Variants in PRRX1 observed in about 807,000 individuals in gnomAD.
PRRX1 encodes the protein paired related homeobox 1.
Under a neutral mutation model 24.0 loss-of-function variants are expected in PRRX1, and 8 were observed. The ratio of observed to expected loss-of-function variants is 0.33; its 90% confidence interval spans 0.20 to 0.60. The LOEUF (loss-of-function observed/expected upper bound fraction) is 0.60. Among genes scored for constraint, PRRX1 ranks in the 20% least tolerant of loss-of-function variants. PRRX1 has a pLI of 0.82. For missense variants in PRRX1, 281 were observed against 322.4 expected (o/e 0.87, Z 0.98); for synonymous variants, 160 against 131.7 (o/e 1.22, Z -1.47).
chr1:170,724,235 G>T (rs1655179014), intron 2 of PRRX1, among the ~76,000 whole-genome samples: 1 of 152,044 alleles, frequency 6.6e-6, no homozygotes, highest in South Asian at 2.1e-4. Context: ...CCATTCTGTG[G>T]GTTGCCTGTT....
In PRRX1 at chr1:170,680,647, C is replaced by T. The variant is rs116011560; in HGVS notation, c.241+16188C>T. Among the ~76,000 whole-genome samples, 132 of 152,272 alleles carry T rather than the reference C, an allele frequency of 8.7e-4. 1 individual carries two copies. Among genetic ancestry groups the T allele is most frequent in the Middle Eastern group, 3.4e-3 (1 of 294 alleles). ...AATCTTGTTGTTGCATAATTAAGTA[C>T]GTCAGAAGTAATTCACCAAGTGTCA... On this transcript the variant is annotated intron_variant, in intron 1 of 3. Coordinates refer to ENST00000239461, the MANE Select transcript of PRRX1 (RefSeq NM_022716.4).
At chr1:170,700,481 TGAAAGAA>T (rs1396472394) in intron 1 of PRRX1, among the ~76,000 whole-genome samples, 2 of 152,116 alleles carry the variant, frequency 1.3e-5, no homozygotes, top group African/African-American at 2.4e-5. Flanking sequence ...TGTCATAGAT[TGAAAGAA>T]AGATGACCAG....
chr1:170,727,244 C>A (rs1655285904), intron 3 of PRRX1: 1 of 152,080 alleles, frequency 6.6e-6, no homozygotes, highest in Admixed American at 6.6e-5. Context: ...AGGCTTTTAA[C>A]CTCCCATTAT....
At chr1:170,696,452 A>G (rs1654172623) in intron 1 of PRRX1, among the ~76,000 whole-genome samples, 1 of 152,118 alleles carries the variant, frequency 6.6e-6, no homozygotes. Context: ...AGTCCAGAAG[A>G]GATGTGGTCA....
chr1:170,675,647 A>G (rs1653296420), intron 1 of PRRX1, among the ~76,000 whole-genome samples: 1 of 152,188 alleles, frequency 6.6e-6, no homozygotes, highest in African/African-American at 2.4e-5. Context: ...ATTTACCCAG[A>G]CATGAGCATC....
intron 1 of PRRX1, chr1:170,667,821 A>C (rs1242872712): frequency 1.3e-5 from 2 of 152,250 alleles, no homozygotes; most frequent in African/African-American, 4.8e-5. Context: ...CGTCCTTTCT[A>C]AATTTTCTCT....
intron 3 of PRRX1, among the ~76,000 whole-genome samples, chr1:170,732,295 A>G (rs570347651): frequency 6.6e-6 from 1 of 152,332 alleles, no homozygotes; most frequent in East Asian, 1.9e-4. Context: ...GCAGAACGTC[A>G]GAAGTCTCCG....
At chr1:170,694,543 G>A (rs1458255785) in intron 1 of PRRX1, among the ~76,000 whole-genome samples, 4 of 152,158 alleles carry the variant, frequency 2.6e-5, no homozygotes, top group Non-Finnish European at 5.9e-5. Flanking sequence ...AGTCACACGG[G>A]TTGAGAAGTA....
At chr1:170,671,016 T>G (rs138961268) in intron 1 of PRRX1, among the ~76,000 whole-genome samples, 5 of 152,148 alleles carry the variant, frequency 3.3e-5, no homozygotes, top group African/African-American at 9.7e-5. Flanking sequence ...GGGGCTTATT[T>G]TTACCATCAT....
intron 1 of PRRX1, among the ~76,000 whole-genome samples, chr1:170,698,568 T>G (rs1007297060): frequency 2.0e-5 from 3 of 152,180 alleles, no homozygotes; most frequent in African/African-American, 7.2e-5. Context: ...TTTTTTTTCC[T>G]GACCATTTAG....
intron 1 of PRRX1, among the ~76,000 whole-genome samples, chr1:170,695,150 A>T (rs1654126878): frequency 6.6e-6 from 1 of 152,192 alleles, no homozygotes; most frequent in Admixed American, 6.5e-5. Flanking sequence ...TGCAACAACC[A>T]TACCCCATGA....
chr1:170,667,308 G>GCA (rs1299091079), intron 1 of PRRX1: 41 of 116,224 alleles, frequency 3.5e-4, no homozygotes, highest in South Asian at 3.1e-3. Flanking sequence ...GCGCGCGCGC[G>GCA]CGCACACACA....
chr1:170,711,226 T>C (rs1394384237), intron 1 of PRRX1, among the ~76,000 whole-genome samples: 1 of 152,208 alleles, frequency 6.6e-6, no homozygotes, highest in Non-Finnish European at 1.5e-5. Context: ...TGATATCCTT[T>C]TCAGCCCTCT....
At position 170,735,644 on chromosome 1, in the gene PRRX1, T is replaced by G. The variant is rs534239275; in HGVS notation, c.600-404T>G. ...CTTTAGTTTATTTTCAAATGCTTGT[T>G]TCTATTCCCCACTGCTCCCACAGGC... On this transcript the variant is annotated intron_variant, in intron 3 of 3. Coordinates refer to ENST00000239461, the MANE Select transcript of PRRX1 (RefSeq NM_022716.4). 1.8e-4 allele frequency among the ~76,000 whole-genome samples: 28 copies of G among 152,296 alleles called. 1 individual carries two copies. Among genetic ancestry groups the G allele is most frequent in the Admixed American group, 1.8e-3 (27 of 15,294 alleles).
intron 2 of PRRX1, among the ~76,000 whole-genome samples, chr1:170,721,951 C>T (rs1323037670): frequency 6.6e-6 from 1 of 151,386 alleles, no homozygotes; most frequent in Non-Finnish European, 1.5e-5. Context: ...ATAAGGAAAA[C>T]TGCAGAGGGC....
intron 1 of PRRX1, among the ~76,000 whole-genome samples, chr1:170,686,623 C>A (rs932696117): frequency 2.6e-5 from 4 of 152,102 alleles, no homozygotes; most frequent in Non-Finnish European, 5.9e-5. Flanking sequence ...AGGAGACGGG[C>A]GGCTGCAGCG....
chr1:170,701,138 T>A (rs1190583730), intron 1 of PRRX1, among the ~76,000 whole-genome samples: 4 of 152,228 alleles, frequency 2.6e-5, no homozygotes, highest in Non-Finnish European at 5.9e-5. Flanking sequence ...CTAGTGCAAT[T>A]AGTTCCTCTT....
intron 1 of PRRX1, among the ~76,000 whole-genome samples, chr1:170,719,196 G>A (rs1405906441): frequency 6.6e-6 from 1 of 152,178 alleles, no homozygotes; most frequent in Admixed American, 6.5e-5. Flanking sequence ...TTCAAGGAGA[G>A]TTCATGGTAA....
intron 1 of PRRX1, among the ~76,000 whole-genome samples, chr1:170,700,077 A>G (rs1291080614): frequency 6.6e-6 from 1 of 152,166 alleles, no homozygotes; most frequent in Non-Finnish European, 1.5e-5. Flanking sequence ...ATTTAAATGT[A>G]TTGATGGGGT....
Sources: gnomAD v4.1 joint callset for allele counts (sites outside exome capture counted in the v4.1 genomes callset) on GRCh38, gnomAD v4.1.1 for gene constraint, MANE v1.5 for transcripts, NCBI Gene and HGNC (gene_info 2026-07-23, HGNC 2026-07-21) for gene names.